GAB2: variants seen among roughly 807,000 people sequenced by gnomAD.
The protein encoded by GAB2 is GRB2 associated binding protein 2, also known as GRB2-associated-binding protein 2.
Under a neutral mutation model 65.5 loss-of-function variants are expected in GAB2, and 26 were observed. The observed-to-expected ratio is 0.40, with a 90% CI of 0.29 to 0.55. The LOEUF is 0.55. Among genes scored for constraint, GAB2 ranks in the 20% least tolerant of loss-of-function variants. The probability of loss-of-function intolerance (pLI) is 0.53; values close to 1 mark genes in which losing one functional copy is unlikely to be tolerated. For synonymous variants in GAB2, 321 were observed against 329.6 expected (o/e 0.97, Z 0.28); for missense variants, 884 against 875.8 (o/e 1.01, Z -0.12).
intron 1 of GAB2, among the ~76,000 whole-genome samples, chr11:78,339,063 T>C (rs1207791591): frequency 1.3e-5 from 2 of 152,108 alleles, no homozygotes; most frequent in African/African-American, 4.8e-5. Flanking sequence ...ACTGGGATTA[T>C]AGGCATGTGT....
intron 1 of GAB2, among the ~76,000 whole-genome samples, chr11:78,302,935 C>T (rs1233485349): frequency 6.6e-6 from 1 of 152,160 alleles, no homozygotes; most frequent in Non-Finnish European, 1.5e-5. Context: ...AGTGAATTAA[C>T]TCAGGAATAG....
In GAB2 at chr11:78,280,608, C is replaced by T. The variant is rs1336608837; in HGVS notation, c.369G>A (p.Glu123=). The T allele has an allele frequency of 6.2e-7, 1 of 1,613,196 alleles. No homozygotes were observed. Among genetic ancestry groups the T allele is most frequent in the South Asian group, 1.1e-5 (1 of 90,966 alleles). The part of the protein sequence containing the change: ...CQICGFNQAE[E]STDSLRNVSS... ...CTGTGTGCGTTCTCATACCTGTGCTCTCCTCAGCCTGATTGAAGCCACAGA... is the reference window on the plus strand; with the variant it reads ...CTGTGTGCGTTCTCATACCTGTGCTTTCCTCAGCCTGATTGAAGCCACAGA... The change falls in exon 2 of 10, where the codon GAG becomes GAA. Residue 123 remains glutamate, a synonymous_variant. Transcript: ENST00000361507.
intron 1 of GAB2, among the ~76,000 whole-genome samples, chr11:78,412,177 G>C (rs1857139000): frequency 6.6e-6 from 1 of 151,360 alleles, no homozygotes; most frequent in Admixed American, 6.6e-5. Context: ...TCAAATTCTT[G>C]AAGACATTTG....
At chr11:78,266,742 TC>T (rs1865886319) in intron 2 of GAB2, among the ~76,000 whole-genome samples, 1 of 152,140 alleles carries the variant, frequency 6.6e-6, no homozygotes. Context: ...TAAGAGGAGT[TC>T]CAAGGCTGGT....
intron 1 of GAB2, among the ~76,000 whole-genome samples, chr11:78,376,573 A>G (rs1291518469): frequency 6.6e-6 from 1 of 152,214 alleles, no homozygotes; most frequent in Non-Finnish European, 1.5e-5. Flanking sequence ...GTATATGTGA[A>G]ACTTGGAAAT....
chr11:78,318,948 T>C (rs552752641), intron 1 of GAB2, among the ~76,000 whole-genome samples: 9 of 152,254 alleles, frequency 5.9e-5, no homozygotes, highest in Middle Eastern at 3.4e-3. Flanking sequence ...AATCGTTCTT[T>C]TCATCCCTTC....
Position 78,219,032 on chromosome 11 carries a change from A to C in GAB2, c.*240T>G, listed in dbSNP as rs150570382. ...AGTAGCTCCTAACTAAGGTGGGTGG[A>C]GGCATGGCCATTACTGATAAAAATC... On this transcript the variant is annotated 3_prime_UTR_variant, in exon 10 of 10. Transcript: ENST00000361507. 7.6e-5 allele frequency: 38 copies of C among 498,988 alleles called. No individual in the cohort carries two copies. The highest frequency in any genetic ancestry group is 7.0e-4 in the African/African-American group (36 of 51,756). The allele number at this position is 498,988 out of a possible 1,614,324, so 30.9% of individuals were successfully genotyped here. A position where few individuals can be genotyped will look rare whatever the true frequency, so the allele number is the denominator to read the frequency against.
At chr11:78,284,894 A>G (rs946126753) in intron 1 of GAB2, among the ~76,000 whole-genome samples, 4 of 152,226 alleles carry the variant, frequency 2.6e-5, no homozygotes, top group Non-Finnish European at 5.9e-5. Context: ...TATATAATTA[A>G]TGAATCATTT....
chr11:78,346,183 T>G lies in GAB2; in HGVS notation c.76-65282A>C, dbSNP rs553580557. On this transcript the variant is annotated intron_variant, in intron 1 of 9. Coordinates refer to ENST00000361507, the MANE Select transcript of GAB2 (RefSeq NM_080491.3). ...TGACTACAATTCTTCACCCTTCATG[T>G]CTGGACTTTGAAATCAAACTGCCCG... 3.1e-4 allele frequency among the ~76,000 whole-genome samples: 47 copies of G among 152,306 alleles called. 2 individuals carry two copies. In the South Asian group the frequency reaches 9.5e-3, roughly 31 times the overall value.
chr11:78,316,621 T>G (rs1591031499), intron 1 of GAB2, among the ~76,000 whole-genome samples: 2 of 152,108 alleles, frequency 1.3e-5, no homozygotes, highest in African/African-American at 4.8e-5. Context: ...TATGGCTACT[T>G]TAAAAAATAG....
At chr11:78,249,348 C>T (rs1379443084) in intron 3 of GAB2, among the ~76,000 whole-genome samples, 1 of 152,192 alleles carries the variant, frequency 6.6e-6, no homozygotes, top group Non-Finnish European at 1.5e-5. Flanking sequence ...ATTGTCATAA[C>T]ATGAATTAGA....
chr11:78,219,003 T>C lies in GAB2; in HGVS notation c.*269A>G, dbSNP rs1223125361. On this transcript the variant is annotated 3_prime_UTR_variant, in exon 10 of 10. Coordinates refer to ENST00000361507, the MANE Select transcript of GAB2 (RefSeq NM_080491.3). The stretch of plus-strand genomic sequence containing the variant: ...CAGGAAGAGGCTGAAGGATGCTTTT[T>C]GGAAGTAGCTCCTAACTAAGGTGGG... The C allele has an allele frequency of 4.6e-6, 2 of 431,926 alleles. No homozygotes were observed. The highest frequency in any genetic ancestry group is 8.3e-6 in the Non-Finnish European group (2 of 240,028). 26.8% of individuals were successfully genotyped at this position (431,926 alleles called of 1,614,324 possible).
chr11:78,257,879 C>A (rs908586372), intron 2 of GAB2, among the ~76,000 whole-genome samples: 3 of 151,862 alleles, frequency 2.0e-5, no homozygotes, highest in African/African-American at 4.8e-5. Context: ...TGGGGTCACA[C>A]AGCCAGAAAG....
chr11:78,411,582 C>T (rs1220276825), intron 1 of GAB2, among the ~76,000 whole-genome samples: 1 of 152,132 alleles, frequency 6.6e-6, no homozygotes, highest in South Asian at 2.1e-4. Flanking sequence ...TTGACAAAGA[C>T]GGAAAAGCAA....
chr11:78,356,311 T>C lies in GAB2; in HGVS notation c.75+61335A>G, dbSNP rs577157862. Reference sequence around the variant, plus strand: ...TGCTACTACTGGATATTGGGGCACTTGAGGGTGAGAGGTTAGTACTAACAA... The same window carrying C: ...TGCTACTACTGGATATTGGGGCACTCGAGGGTGAGAGGTTAGTACTAACAA... On this transcript the variant is annotated intron_variant, in intron 1 of 9. Coordinates refer to ENST00000361507, the MANE Select transcript of GAB2 (RefSeq NM_080491.3). Among the ~76,000 whole-genome samples the C allele has an allele frequency of 3.9e-5, 6 of 152,238 alleles. No homozygotes were observed. In the East Asian group the frequency reaches 1.2e-3, roughly 29 times the overall value.
chr11:78,254,185 A>G (rs1356943969), intron 2 of GAB2, among the ~76,000 whole-genome samples: 1 of 152,226 alleles, frequency 6.6e-6, no homozygotes, highest in Non-Finnish European at 1.5e-5. Flanking sequence ...AATACACATA[A>G]GGTCTAGAAA....
chr11:78,346,709 A>T (rs1332666112), intron 1 of GAB2, among the ~76,000 whole-genome samples: 10 of 71,636 alleles, frequency 1.4e-4, no homozygotes, highest in South Asian at 4.2e-4. Context: ...ATATATATAT[A>T]TATATATATA....
intron 1 of GAB2, among the ~76,000 whole-genome samples, chr11:78,369,264 C>T (rs1007717299): frequency 6.6e-5 from 10 of 152,168 alleles, no homozygotes; most frequent in African/African-American, 1.7e-4. Flanking sequence ...CTTGGTCACC[C>T]TGTCTTCAAA....
chr11:78,325,678 C>T (rs1035476073), intron 1 of GAB2, among the ~76,000 whole-genome samples: 1 of 152,194 alleles, frequency 6.6e-6, no homozygotes. Context: ...ACCACAGCAA[C>T]TACTACCCAC....
Sources: allele counts gnomAD v4.1 joint callset (sites outside exome capture counted in the v4.1 genomes callset), GRCh38; gene constraint gnomAD v4.1.1; transcripts MANE v1.5; gene names NCBI Gene and HGNC (gene_info 2026-07-23, HGNC 2026-07-21).